HSPD1: variants seen among roughly 807,000 people sequenced by gnomAD.
HSPD1 encodes heat shock protein family D (Hsp60) member 1, also known as 60 kDa heat shock protein, mitochondrial.
HSPD1 carries 3 observed loss-of-function variants against 53.0 expected under a neutral mutation model. The ratio of observed to expected loss-of-function variants is 0.06; its 90% CI spans 0.03 to 0.15. HSPD1 has a LOEUF of 0.15. HSPD1 is among the 10% of genes least tolerant of loss of function. The pLI, the probability that HSPD1 is intolerant of heterozygous loss-of-function variation, is 1.00. For synonymous variants in HSPD1, 200 were observed against 228.0 expected (o/e 0.88, Z 1.10); for missense variants, 431 against 694.1 (o/e 0.62, Z 4.26).
At chr2:197,493,240 A>G (rs1329074520) in intron 7 of HSPD1, 84 bp downstream of exon 7, 1 of 1,138,360 alleles carries the variant, frequency 8.8e-7, no homozygotes, top group Admixed American at 1.7e-5. Context: ...GTGGAGGTAC[A>G]CATGATGGAA....
chr2:197,487,519 C>T (rs1475004692), intron 11 of HSPD1, among the ~76,000 whole-genome samples: 2 of 152,198 alleles, frequency 1.3e-5, no homozygotes, highest in South Asian at 2.1e-4. Context: ...GGCGACACAG[C>T]GACTCTGTCT....
intron 7 of HSPD1, among the ~76,000 whole-genome samples, chr2:197,492,578 T>TA (rs1283494925): frequency 1.3e-5 from 2 of 151,570 alleles, no homozygotes; most frequent in Admixed American, 1.3e-4. Context: ...AGAAAAACCT[T>TA]AAAAAAACAA....
intron 3 of HSPD1, chr2:197,496,876 G>A: frequency 2.1e-6 from 1 of 467,120 alleles, no homozygotes; most frequent in East Asian, 4.3e-5. Context: ...TTCCAGTGCA[G>A]TCCAGCCTGG....
At chr2:197,488,834 TC>T (rs994466790) in intron 9 of HSPD1, among the ~76,000 whole-genome samples, 167 bp downstream of exon 9, 145 of 152,268 alleles carry the variant, frequency 9.5e-4, no homozygotes, top group African/African-American at 3.3e-3. Context: ...CACCACTGCA[TC>T]CCAGCCTGGG....
At chr2:197,493,130 A>T (rs969647185) in intron 7 of HSPD1, among the ~76,000 whole-genome samples, 194 bp downstream of exon 7, 1 of 152,212 alleles carries the variant, frequency 6.6e-6, no homozygotes, top group Admixed American at 6.5e-5. Context: ...AAAATAGTAA[A>T]GACTTTGGGG....
Position 197,498,811 on chromosome 2 carries a change from G to C in HSPD1, c.38C>G (p.Pro13Arg), listed in dbSNP as rs149376856. 1 of 1,614,178 alleles carries C rather than the reference G, an allele frequency of 6.2e-7. No individual in the cohort carries two copies. Among genetic ancestry groups the C allele is most frequent in the Admixed American group, 1.7e-5 (1 of 60,012 alleles). Residue 13 changes from proline (P) to arginine (R), a missense_variant, in exon 2 of 12, where the codon CCG (proline) becomes CGG (arginine). Pro to Arg is a moderately radical substitution (Grantham distance 103). Coordinates refer to ENST00000388968, the MANE Select transcript of HSPD1 (RefSeq NM_002156.5). Reference protein sequence around the residue: ...RLPTVFRQMRPVSRVLAPHLT... With the variant: ...RLPTVFRQMRRVSRVLAPHLT... ...ATGAGGAGCCAGTACCCTGGACACC[G>C]GTCTCATCTGGCGAAAGACTGTGGG... is the stretch of plus-strand genomic sequence containing the variant.
At position 197,497,719 on chromosome 2, in the gene HSPD1, G is replaced by A. The variant is rs2086176220; in HGVS notation, c.175-327C>T. 2.6e-5 allele frequency among the ~76,000 whole-genome samples: 4 copies of A among 152,200 alleles called. No homozygotes were observed. The South Asian group carries it at 8.3e-4, about 32-fold the overall frequency. On this transcript the variant is annotated intron_variant, in intron 2 of 11. Coordinates refer to ENST00000388968, the MANE Select transcript of HSPD1 (RefSeq NM_002156.5). ...CAATCTTCCTATCACTTATACTTTA[G>A]TTAGTGCCTGTTATCTTTTAAAGTA...
In HSPD1 at chr2:197,497,212, G is replaced by A. The variant is rs1398446799; in HGVS notation, c.355C>T (p.Leu119=). Residue 119 remains leucine (L), a synonymous_variant, in exon 3 of 12, where the codon CTG becomes TTG. Coordinates refer to ENST00000388968, the MANE Select transcript of HSPD1 (RefSeq NM_002156.5). ...AGDGTTTATV[L]ARSIAKEGFE... Reference sequence around the variant, plus strand: ...CCTTCCTTGGCTATAGAGCGTGCCAGTACAGTAGCAGTGGTAGTGCCATCC... The same window carrying A: ...CCTTCCTTGGCTATAGAGCGTGCCAATACAGTAGCAGTGGTAGTGCCATCC... 30 of 1,613,732 alleles carry A rather than the reference G, an allele frequency of 1.9e-5. No homozygotes were observed. The highest frequency in any genetic ancestry group is 2.5e-5 in the Non-Finnish European group (30 of 1,179,604).
Position 197,499,763 on chromosome 2 carries a change from G to C in HSPD1, c.-3+19C>G, listed in dbSNP as rs1165192772. On this transcript the variant is annotated intron_variant, in intron 1 of 11. Transcript: ENST00000388968. ...GGGTCGCAGGAGCCGGGGGGAGGTG[G>C]TGCGGGAAGGCCGCGTACCTGCGGG... 1 of 151,846 alleles carries C rather than the reference G, an allele frequency of 6.6e-6. No individual in the cohort carries two copies. Among genetic ancestry groups the C allele is most frequent in the Non-Finnish European group, 1.5e-5 (1 of 67,974 alleles). The allele number at this position is 151,846 out of a possible 1,614,324, so 9.4% of individuals were successfully genotyped here.
At chr2:197,492,322 T>A (rs967868348) in intron 7 of HSPD1, among the ~76,000 whole-genome samples, 1 of 152,056 alleles carries the variant, frequency 6.6e-6, no homozygotes, top group African/African-American at 2.4e-5. Context: ...TCTGAGTAGC[T>A]GGGATTACAG....
rs374694909 is a variant in HSPD1 at position 197,497,399 on chromosome 2, G to A, written c.175-7C>T. On this transcript the variant is annotated splice_polypyrimidine_tract_variant and splice_region_variant and intron_variant, in intron 2 of 11. Coordinates refer to ENST00000388968, the MANE Select transcript of HSPD1 (RefSeq NM_002156.5). ...CAATAATCACTGTTCTTCCCTAGAA[G>A]AAAAAAATGTAACAGGATCAGACAT... 1.9e-5 allele frequency: 31 copies of A among 1,612,856 alleles called. No individual in the cohort carries two copies. The highest frequency in any genetic ancestry group is 1.9e-4 in the African/African-American group (14 of 74,826).
At chr2:197,492,063 A>T (rs2086099644) in intron 7 of HSPD1, among the ~76,000 whole-genome samples, 1 of 152,242 alleles carries the variant, frequency 6.6e-6, no homozygotes, top group African/African-American at 2.4e-5. Flanking sequence ...AGGCTGAGGC[A>T]GGAGGATTGC....
At chr2:197,490,174 A>C (rs760548204) in intron 8 of HSPD1, 23 bp downstream of exon 8, 1 of 1,467,954 alleles carries the variant, frequency 6.8e-7, no homozygotes, top group Non-Finnish European at 9.5e-7. Context: ...TCAGCAAACC[A>C]TTATCACATT....
At position 197,493,498 on chromosome 2, in the gene HSPD1, A is replaced by C; in HGVS notation, c.701-6T>G. The C allele has an allele frequency of 6.2e-7, 1 of 1,604,260 alleles. No individual in the cohort carries two copies. The highest frequency in any genetic ancestry group is 8.5e-7 in the Non-Finnish European group (1 of 1,171,032). ...CTGGAATTCACATTTCTGACCTGTA[A>C]AAATAATGAAGATTTCAAAAATATA... is the stretch of plus-strand genomic sequence containing the variant. On this transcript the variant is annotated splice_polypyrimidine_tract_variant and splice_region_variant and intron_variant, in intron 6 of 11. Coordinates refer to ENST00000388968, the MANE Select transcript of HSPD1 (RefSeq NM_002156.5).
chr2:197,500,227 A>G, upstream of HSPD1: 1 of 627,538 alleles, frequency 1.6e-6, no homozygotes, highest in Non-Finnish European at 2.8e-6. Flanking sequence ...TCTTCGCGTC[A>G]GCGTCCTGCG....
intron 7 of HSPD1, among the ~76,000 whole-genome samples, chr2:197,490,951 C>T (rs1236029502): frequency 6.6e-6 from 1 of 152,084 alleles, no homozygotes; most frequent in African/African-American, 2.4e-5. Flanking sequence ...AAATTTTTAC[C>T]AGGTAAATGA....
In HSPD1 at chr2:197,497,322, T is replaced by A; in HGVS notation, c.245A>T (p.Lys82Met). 1 of 1,613,112 alleles carries A rather than the reference T, an allele frequency of 6.2e-7. No homozygotes were observed. Among genetic ancestry groups the A allele is most frequent in the South Asian group, 1.1e-5 (1 of 91,060 alleles). Reference sequence around the variant, plus strand: ...GTATTTATCTTTTAAGTCAATTGACTTTGCAACAGTCACACCATCTTTTGT... The same window carrying A: ...GTATTTATCTTTTAAGTCAATTGACATTGCAACAGTCACACCATCTTTTGT... The part of the protein sequence containing the change: ...KVTKDGVTVA[K>M]SIDLKDKYKN... The change falls in exon 3 of 12, where the codon AAG becomes ATG. Residue 82 changes from lysine (K) to methionine (M), a missense_variant. Lys to Met is a moderately conservative substitution (Grantham distance 95). This residue lies in a region of HSPD1 where 386 missense variants were observed against 657.6 expected (regional missense o/e 0.59). Coordinates refer to ENST00000388968, the MANE Select transcript of HSPD1 (RefSeq NM_002156.5).
chr2:197,491,797 T>A (rs569742306), intron 7 of HSPD1, among the ~76,000 whole-genome samples: 5,014 of 152,312 alleles, frequency 0.033, 261 homozygotes, highest in African/African-American at 0.11. Flanking sequence ...GATTGGGTGC[T>A]ATTTTCTCTA....
chr2:197,494,059 C>T (rs1429062858), intron 6 of HSPD1, 98 bp downstream of exon 6: 2 of 681,304 alleles, frequency 2.9e-6, no homozygotes, highest in African/African-American at 1.8e-5. Flanking sequence ...CAACGCGCCA[C>T]CACATCATGC....
Sources: gnomAD v4.1 joint callset for allele counts (sites outside exome capture counted in the v4.1 genomes callset) on GRCh38, gnomAD v4.1.1 for gene constraint, gnomAD v4.1.1 regional missense constraint, MANE v1.5 for transcripts, NCBI Gene and HGNC (gene_info 2026-07-23, HGNC 2026-07-21) for gene names.